HSD17B12: variants seen among roughly 807,000 people sequenced by gnomAD.
HSD17B12 encodes hydroxysteroid 17-beta dehydrogenase 12.
HSD17B12 carries 32 observed loss-of-function variants against 39.3 expected under a neutral mutation model. The ratio of observed to expected loss-of-function variants is 0.81; its 90% CI spans 0.61 to 1.09. HSD17B12 has a LOEUF of 1.09. Among genes scored for constraint, HSD17B12 ranks in the 50% least tolerant of loss-of-function variants. The probability of loss-of-function intolerance (pLI) is 0.00; values close to 1 mark genes in which losing one functional copy is unlikely to be tolerated. For synonymous variants in HSD17B12, 150 were observed against 146.7 expected (o/e 1.02, Z -0.16); for missense variants, 342 against 382.9 (o/e 0.89, Z 0.89).
At chr11:43,704,208 G>A (rs117301759) in intron 1 of HSD17B12, among the ~76,000 whole-genome samples, 16 of 152,292 alleles carry the variant, frequency 1.1e-4, no homozygotes, top group Non-Finnish European at 2.1e-4. Flanking sequence ...AGGTAGAAAA[G>A]GACTTAATTC....
chr11:43,752,549 A>G (rs924645420), intron 2 of HSD17B12, among the ~76,000 whole-genome samples: 27 of 152,152 alleles, frequency 1.8e-4, no homozygotes, highest in African/African-American at 6.5e-4. Context: ...CCCTATCTCT[A>G]CTAAAAATAC....
At chr11:43,582,360 C>T in the HSD17B12 span, among the ~76,000 whole-genome samples, 1 of 152,150 alleles carries the variant, frequency 6.6e-6, no homozygotes. Flanking sequence ...AGGGGAGAGT[C>T]TGTGAGTCCC....
intron 1 of HSD17B12, among the ~76,000 whole-genome samples, chr11:43,724,426 T>C (rs749390625): frequency 3.9e-5 from 6 of 152,108 alleles, no homozygotes; most frequent in Non-Finnish European, 8.8e-5. Flanking sequence ...ATTATTTAAT[T>C]TGTTAGGAGA....
the HSD17B12 span, among the ~76,000 whole-genome samples, chr11:43,638,869 A>G: frequency 6.6e-6 from 1 of 152,158 alleles, no homozygotes; most frequent in Non-Finnish European, 1.5e-5. Context: ...GCTTTGCTAC[A>G]TTCCTTGACA....
At chr11:43,610,209 G>T in the HSD17B12 span, among the ~76,000 whole-genome samples, 1 of 152,102 alleles carries the variant, frequency 6.6e-6, no homozygotes, top group Non-Finnish European at 1.5e-5. Flanking sequence ...GTACCATAGA[G>T]ACCCAGCATA....
chr11:43,808,019 A>T (rs943945625), intron 4 of HSD17B12, among the ~76,000 whole-genome samples: 2 of 152,230 alleles, frequency 1.3e-5, no homozygotes, highest in Non-Finnish European at 1.5e-5. Flanking sequence ...GACGACTAGC[A>T]GTTAGCAACT....
At chr11:43,590,896 G>T in the HSD17B12 span, among the ~76,000 whole-genome samples, 13 of 151,134 alleles carry the variant, frequency 8.6e-5, no homozygotes, top group Non-Finnish European at 1.8e-4. Flanking sequence ...CTTGCTACAG[G>T]TGGGTGTTCT....
chr11:43,783,994 T>C (rs1950791863), intron 3 of HSD17B12, among the ~76,000 whole-genome samples: 1 of 152,182 alleles, frequency 6.6e-6, no homozygotes, highest in Non-Finnish European at 1.5e-5. Context: ...TCTGGCATTG[T>C]AGCAGGATGA....
the HSD17B12 span, among the ~76,000 whole-genome samples, chr11:43,572,004 G>A: frequency 2.0e-3 from 306 of 152,270 alleles, 1 homozygote; most frequent in Non-Finnish European, 2.0e-3. Context: ...CTGAAGGAGC[G>A]ACGGAGGACT....
In HSD17B12 at chr11:43,856,589, TG is replaced by T. The variant is rs1383759719; in HGVS notation, c.*1342del. ...TCAGAATAAAGGTTGTCATTTAAGTTGAATAAATATATAGCTTTATGAAAAA... is the reference window on the plus strand; with the variant it reads ...TCAGAATAAAGGTTGTCATTTAAGTTAATAAATATATAGCTTTATGAAAAA... On this transcript the variant is annotated 3_prime_UTR_variant, in exon 11 of 11. Transcript: ENST00000278353. 3.3e-5 allele frequency: 5 copies of T among 152,218 alleles called. No individual in the cohort carries two copies. The highest frequency in any genetic ancestry group is 3.3e-4 in the Admixed American group (5 of 15,284). The allele number at this position is 152,218 out of a possible 1,614,324, so 9.4% of individuals were successfully genotyped here.
At chr11:43,743,125 A>C (rs889045197) in intron 1 of HSD17B12, among the ~76,000 whole-genome samples, 1 of 152,190 alleles carries the variant, frequency 6.6e-6, no homozygotes, top group African/African-American at 2.4e-5. Flanking sequence ...GATAGGAAAA[A>C]ATGTTCTTGC....
intron 1 of HSD17B12, among the ~76,000 whole-genome samples, chr11:43,684,893 A>C (rs537145367): frequency 6.6e-6 from 1 of 152,178 alleles, no homozygotes; most frequent in African/African-American, 2.4e-5. Flanking sequence ...TCAACTACCA[A>C]TCTACTTTCT....
At chr11:43,794,095 G>A (rs963446979) in intron 3 of HSD17B12, among the ~76,000 whole-genome samples, 2 of 152,152 alleles carry the variant, frequency 1.3e-5, no homozygotes, top group African/African-American at 4.8e-5. Flanking sequence ...AGGCTGAGAG[G>A]CAGTTGGCCA....
chr11:43,820,706 C>T lies in HSD17B12; in HGVS notation c.501+4315C>T, dbSNP rs181941220. ...ATCAATGTTGGGCCAAGTTTTATCT[C>T]CTCACTAAACTACATGACAGGGAAT... On this transcript the variant is annotated intron_variant, in intron 6 of 10. Coordinates refer to ENST00000278353, the MANE Select transcript of HSD17B12 (RefSeq NM_016142.3). 2.0e-5 allele frequency among the ~76,000 whole-genome samples: 3 copies of T among 152,340 alleles called. No homozygotes were observed. In the East Asian group the frequency reaches 5.8e-4, roughly 29 times the overall value.
At chr11:43,573,481 A>C in the HSD17B12 span, among the ~76,000 whole-genome samples, 18,164 of 152,144 alleles carry the variant, frequency 0.12, 1,447 homozygotes, top group East Asian at 0.46. Flanking sequence ...AAGACATTGA[A>C]TCCACCAGGA....
chr11:43,746,203 T>C (rs1297399931), intron 1 of HSD17B12, among the ~76,000 whole-genome samples: 2 of 152,240 alleles, frequency 1.3e-5, no homozygotes, highest in Non-Finnish European at 2.9e-5. Context: ...TTAAAAATTT[T>C]TTCTTTAATA....
At chr11:43,609,664 A>G in the HSD17B12 span, among the ~76,000 whole-genome samples, 1 of 152,110 alleles carries the variant, frequency 6.6e-6, no homozygotes, top group African/African-American at 2.4e-5. Context: ...GCCACTGTGC[A>G]TATATTTAAT....
intron 3 of HSD17B12, among the ~76,000 whole-genome samples, chr11:43,759,047 A>G (rs1193342201): frequency 6.6e-6 from 1 of 152,212 alleles, no homozygotes; most frequent in African/African-American, 2.4e-5. Flanking sequence ...TTTAACCAGG[A>G]TAACTTGTCT....
At chr11:43,800,395 G>A (rs1276586811) in intron 4 of HSD17B12, among the ~76,000 whole-genome samples, 1 of 152,206 alleles carries the variant, frequency 6.6e-6, no homozygotes, top group Non-Finnish European at 1.5e-5. Flanking sequence ...CATCACAGTT[G>A]TGTTTAGTTT....
Sources: gnomAD v4.1 joint callset for allele counts (sites outside exome capture counted in the v4.1 genomes callset) on GRCh38, gnomAD v4.1.1 for gene constraint, MANE v1.5 for transcripts, NCBI Gene and HGNC (gene_info 2026-07-23, HGNC 2026-07-21) for gene names.